The following RAI1 variants were observed in gnomAD, a reference collection of about 807,000 sequenced individuals.
The protein encoded by RAI1 is retinoic acid induced 1.
RAI1 carries 9 observed loss-of-function variants against 123.8 expected under a neutral mutation model. The ratio of observed to expected loss-of-function variants is 0.07; its 90% CI spans 0.04 to 0.13. The LOEUF (loss-of-function observed/expected upper bound fraction) is 0.13. Ranked by LOEUF, RAI1 falls within the 10% of genes least tolerant of loss-of-function variation. The pLI is 1.00. For synonymous variants in RAI1, 1,231 were observed against 1,127.3 expected (o/e 1.09, Z -1.84); for missense variants, 2,256 against 2,545.8 (o/e 0.89, Z 2.45).
chr17:17,736,776 A>T (rs2142960369), intron 2 of RAI1, among the ~76,000 whole-genome samples: 1 of 152,246 alleles, frequency 6.6e-6, no homozygotes, highest in East Asian at 1.9e-4. Context: ...GCTTTTCTGG[A>T]TTCTGAGCAT....
rs1006576362 is a variant in RAI1, at chr17:17,714,249, C to T, written c.-148-9779C>T. Among the ~76,000 whole-genome samples the T allele has an allele frequency of 7.9e-5, 12 of 152,088 alleles. No individual in the cohort carries two copies. The highest frequency in any genetic ancestry group is 2.9e-4 in the African/African-American group (12 of 41,398). The stretch of plus-strand genomic sequence containing the variant: ...TGCAGAAGGGGGCTCCCAGGCCTCT[C>T]CCTGCCTACCTTGGCCACTGGGAGG... On this transcript the variant is annotated intron_variant, in intron 1 of 5. Transcript: ENST00000353383. The surrounding 1 kb of genome is among the most constrained non-coding windows in gnomAD (Gnocchi z 4.9).
chr17:17,725,098 A>T (rs940126433), intron 2 of RAI1, among the ~76,000 whole-genome samples: 4 of 142,876 alleles, frequency 2.8e-5, no homozygotes, highest in African/African-American at 7.8e-5. Context: ...TTGGTTAGAG[A>T]CGTCGACCTG....
intron 1 of RAI1, among the ~76,000 whole-genome samples, chr17:17,713,457 T>C (rs1033471759): frequency 1.3e-5 from 2 of 152,104 alleles, no homozygotes; most frequent in Non-Finnish European, 2.9e-5. Flanking sequence ...CTGGCCAACA[T>C]GGTAAAACCC....
chr17:17,683,245 G>T (rs920306710), intron 1 of RAI1, among the ~76,000 whole-genome samples: 1 of 152,176 alleles, frequency 6.6e-6, no homozygotes, highest in Non-Finnish European at 1.5e-5. Context: ...GCTGCCCTGG[G>T]AGGAGAGGCG....
At chr17:17,780,082 T>TTTTTTTTGTTTA (rs71152902) in intron 2 of RAI1, among the ~76,000 whole-genome samples, 3 of 110,968 alleles carry the variant, frequency 2.7e-5, no homozygotes, top group African/African-American at 1.1e-4. Flanking sequence ...GGCTTTTTTT[T>TTTTTTTTGTTTA]AAGACAAGAG....
In RAI1 at chr17:17,795,131, G is replaced by A. The variant is rs375222449; in HGVS notation, c.2183G>A (p.Cys728Tyr). ...GACCCCACTACAGCAGCTTTTGACT[G>A]TTTCCCGGACACAACCGCTGCCAGC... ...APDPTTAAFD[C>Y]FPDTTAASSA... Residue 728 changes from cysteine to tyrosine, a missense_variant, in exon 3 of 6, where the codon TGT becomes TAT. By Grantham distance (194) the Cys-to-Tyr change is radical. Transcript: ENST00000353383. This position sits in a 1 kb window ranked among gnomAD's most constrained non-coding sequence, Gnocchi z 5.9. 6.2e-7 allele frequency: 1 copy of A among 1,613,954 alleles called. No individual in the cohort carries two copies. Among genetic ancestry groups the A allele is most frequent in the Non-Finnish European group, 8.5e-7 (1 of 1,180,040 alleles).
At chr17:17,792,294 AGAG>A (rs2143001257) in intron 2 of RAI1, among the ~76,000 whole-genome samples, 1 of 151,402 alleles carries the variant, frequency 6.6e-6, no homozygotes, top group East Asian at 1.9e-4. Context: ...TGGCAGTGAT[AGAG>A]GAGGTGTGTG....
chr17:17,771,987 T>C (rs1292537480), intron 2 of RAI1, among the ~76,000 whole-genome samples: 1 of 152,212 alleles, frequency 6.6e-6, no homozygotes, highest in Admixed American at 6.5e-5. Flanking sequence ...GGGTGGTGCA[T>C]GGCTCTGGGC....
chr17:17,717,592 G>A (rs1205400393), intron 1 of RAI1, among the ~76,000 whole-genome samples: 2 of 151,738 alleles, frequency 1.3e-5, no homozygotes, highest in South Asian at 2.1e-4. Context: ...TCCTTTATCT[G>A]CTGTCATCCT....
chr17:17,700,825 C>T (rs1028422227), intron 1 of RAI1, among the ~76,000 whole-genome samples: 3 of 151,474 alleles, frequency 2.0e-5, no homozygotes, highest in African/African-American at 7.3e-5. Context: ...TCCCCCGCGC[C>T]GTCCCCCGGC....
chr17:17,757,029 T>C (rs113918098), intron 2 of RAI1, among the ~76,000 whole-genome samples: 1 of 152,150 alleles, frequency 6.6e-6, no homozygotes, highest in African/African-American at 2.4e-5. Flanking sequence ...TCACCCTATC[T>C]CCGCGGGGTC....
At position 17,797,708 on chromosome 17, in the gene RAI1, G is replaced by A; in HGVS notation, c.4760G>A (p.Arg1587Lys). The A allele has an allele frequency of 1.2e-6, 2 of 1,613,626 alleles. No homozygotes were observed. Among genetic ancestry groups the A allele is most frequent in the African/African-American group, 1.3e-5 (1 of 75,058 alleles). ...TACATTTCCTCTTGCAAGCGGCTGA[G>A]GTCAGACAGCCGGACCCCCGCCTTC... ...LKYISSCKRLRSDSRTPAFSP... is the reference protein window; with the variant it reads ...LKYISSCKRLKSDSRTPAFSP... Residue 1587 changes from arginine (R) to lysine (K), a missense_variant, in exon 3 of 6, where the codon AGG (arginine) becomes AAG (lysine). Arg to Lys is a conservative substitution (Grantham distance 26). Around this residue, in one of 7 missense-constraint regions of RAI1, gnomAD observed 410 missense variants for 374.6 expected, o/e 1.09. Transcript: ENST00000353383.
At chr17:17,722,531 A>G (rs1431710924) in intron 1 of RAI1, among the ~76,000 whole-genome samples, 2 of 152,152 alleles carry the variant, frequency 1.3e-5, no homozygotes, top group African/African-American at 2.4e-5. Context: ...GCCGCCGGGA[A>G]ACCTAGAGGC....
At chr17:17,696,080 A>G (rs1196334463) in intron 1 of RAI1, among the ~76,000 whole-genome samples, 1 of 152,244 alleles carries the variant, frequency 6.6e-6, no homozygotes, top group Non-Finnish European at 1.5e-5. Context: ...TTTTGTTCTT[A>G]GTGAAATTGT....
At chr17:17,725,197 C>G (rs1056160853) in intron 2 of RAI1, among the ~76,000 whole-genome samples, 1 of 152,086 alleles carries the variant, frequency 6.6e-6, no homozygotes, top group African/African-American at 2.4e-5. Flanking sequence ...TGGATGGCAG[C>G]CCCTCTTGGG....
intron 1 of RAI1, among the ~76,000 whole-genome samples, chr17:17,721,076 A>T (rs1915866928): frequency 1.3e-5 from 2 of 152,006 alleles, no homozygotes; most frequent in South Asian, 4.2e-4. Context: ...TGTGAAGGGT[A>T]CTCACTGAGC....
chr17:17,700,401 A>G (rs958077267), intron 1 of RAI1, among the ~76,000 whole-genome samples: 4 of 151,614 alleles, frequency 2.6e-5, no homozygotes, highest in African/African-American at 7.3e-5. Context: ...TCGGGGCTCC[A>G]GCGGCCGCGC....
chr17:17,810,983 G>A lies in RAI1; in HGVS notation c.*1002G>A. On this transcript the variant is annotated 3_prime_UTR_variant, in exon 6 of 6. Transcript: ENST00000353383. The surrounding 1 kb of genome is among the most constrained non-coding windows in gnomAD (Gnocchi z 4.6). ...CTCCCGTGTGTCGCCGCCGTGCGTCGTGCGCCCGCAACAGAGCCCCAACCG... is the reference window on the plus strand; with the variant it reads ...CTCCCGTGTGTCGCCGCCGTGCGTCATGCGCCCGCAACAGAGCCCCAACCG... The A allele has an allele frequency of 3.1e-6, 1 of 322,982 alleles. No individual in the cohort carries two copies. Among genetic ancestry groups the A allele is most frequent in the Admixed American group, 4.1e-5 (1 of 24,330 alleles). 20.0% of individuals were successfully genotyped at this position (322,982 alleles called of 1,614,324 possible).
At chr17:17,727,763 G>A (rs1195912373) in intron 2 of RAI1, among the ~76,000 whole-genome samples, 14 of 152,172 alleles carry the variant, frequency 9.2e-5, no homozygotes, top group Admixed American at 9.2e-4. Context: ...GCAGATGTTG[G>A]CACAGATATG....
Sources: gnomAD v4.1 joint callset for allele counts (sites outside exome capture counted in the v4.1 genomes callset) on GRCh38, gnomAD v4.1.1 for gene constraint, gnomAD v4.1.1 regional missense constraint, Gnocchi (gnomAD v3.1) non-coding constraint, MANE v1.5 for transcripts, NCBI Gene and HGNC (gene_info 2026-07-23, HGNC 2026-07-21) for gene names.